CMTM6: variants seen among roughly 807,000 people sequenced by gnomAD.
CMTM6 encodes CKLF like MARVEL transmembrane domain containing 6, also known as CKLF-like MARVEL transmembrane domain-containing protein 6.
CMTM6 carries 5 observed loss-of-function variants against 13.6 expected under a neutral mutation model. The observed-to-expected ratio is 0.37, with a 90% CI of 0.19 to 0.77. The LOEUF (loss-of-function observed/expected upper bound fraction) is 0.77, where lower values mean the gene tolerates loss of function less well. Among genes scored for constraint, CMTM6 ranks in the 30% least tolerant of loss-of-function variants. CMTM6 has a pLI of 0.50. For missense variants in CMTM6, 196 were observed against 218.6 expected (o/e 0.90, Z 0.65); for synonymous variants, 99 against 84.5 (o/e 1.17, Z -0.94).
intron 1 of CMTM6, among the ~76,000 whole-genome samples, chr3:32,493,938 G>A (rs146483432): frequency 9.3e-4 from 142 of 152,252 alleles, no homozygotes; most frequent in Admixed American, 1.8e-3. Context: ...GTAAGGGGAG[G>A]GTAAGGCAGT....
intron 1 of CMTM6, among the ~76,000 whole-genome samples, chr3:32,501,188 C>CAAAA (rs545695553): frequency 1.7e-5 from 1 of 58,380 alleles, no homozygotes; most frequent in African/African-American, 6.4e-5. Flanking sequence ...GACTCGGTCT[C>CAAAA]AAAAAAAAAA....
At chr3:32,488,803 C>T (rs1697226679) in intron 2 of CMTM6, among the ~76,000 whole-genome samples, 1 of 152,088 alleles carries the variant, frequency 6.6e-6, no homozygotes, top group South Asian at 2.1e-4. Flanking sequence ...CATGGGTTTC[C>T]AAGTGCTCTC....
intron 1 of CMTM6, among the ~76,000 whole-genome samples, chr3:32,495,247 G>A (rs1697280935): frequency 6.6e-6 from 1 of 152,122 alleles, no homozygotes; most frequent in African/African-American, 2.4e-5. Context: ...AGTGAAGCAT[G>A]AAATAGCCCA....
chr3:32,490,170 C>A (rs553774215), intron 2 of CMTM6, among the ~76,000 whole-genome samples: 1 of 151,298 alleles, frequency 6.6e-6, no homozygotes, highest in Non-Finnish European at 1.5e-5. Flanking sequence ...CGTTTGAACC[C>A]GGGAGGTGGA....
rs1165443880 is a variant in CMTM6 at position 32,502,657 on chromosome 3, A to G, written c.89T>C (p.Phe30Ser). The change falls in exon 1 of 4, where the codon TTC (phenylalanine) becomes TCC (serine). Residue 30 changes from phenylalanine to serine, a missense_variant. Phe to Ser is a radical substitution (Grantham distance 155). Transcript: ENST00000205636. ...GPRSGLAAYF[F>S]MGRLPLLRRV... ...CCGGAGCAATGGGAGCCGGCCCATG[A>G]AAAAGTAGGCAGCGAGGCCGCTCCG... is the stretch of plus-strand genomic sequence containing the variant. The G allele has an allele frequency of 1.9e-6, 3 of 1,594,700 alleles. No homozygotes were observed. In the Middle Eastern group the frequency reaches 5.0e-4, roughly 266 times the overall value.
At chr3:32,502,265 A>C (rs897971880) in intron 1 of CMTM6, among the ~76,000 whole-genome samples, 1 of 152,246 alleles carries the variant, frequency 6.6e-6, no homozygotes, top group Admixed American at 6.5e-5. Context: ...GCGATAATGC[A>C]GGGTAGCAGC....
chr3:32,496,603 TAAC>T (rs1489519709), intron 1 of CMTM6, among the ~76,000 whole-genome samples: 1 of 152,116 alleles, frequency 6.6e-6, no homozygotes, highest in Non-Finnish European at 1.5e-5. Flanking sequence ...GAAACAATAA[TAAC>T]AATATATTTT....
Position 32,483,769 on chromosome 3 carries a change from ATTT to A in CMTM6, c.*188_*190del. 2.4e-6 allele frequency: 1 copy of A among 416,590 alleles called. No individual in the cohort carries two copies. 25.8% of individuals were successfully genotyped at this position (416,590 alleles called of 1,614,324 possible). ...AGTTTCAATTATTATTTAAAAAAAA[ATTT>A]TTTTTAACTTATCTGGCCTACTTTG... On this transcript the variant is annotated 3_prime_UTR_variant, in exon 4 of 4. Transcript: ENST00000205636.
intron 1 of CMTM6, among the ~76,000 whole-genome samples, chr3:32,497,780 C>T (rs547461875): frequency 6.6e-6 from 1 of 151,258 alleles, no homozygotes; most frequent in African/African-American, 2.4e-5. Flanking sequence ...ATTGCTTGAA[C>T]CTGGGAGGCA....
intron 2 of CMTM6, among the ~76,000 whole-genome samples, chr3:32,490,080 T>C (rs1008554963): frequency 6.6e-5 from 10 of 152,144 alleles, no homozygotes; most frequent in African/African-American, 2.2e-4. Context: ...ACCCCATCTC[T>C]ACTAAAAGTA....
At chr3:32,495,726 G>T (rs1697284372) in intron 1 of CMTM6, among the ~76,000 whole-genome samples, 1 of 152,172 alleles carries the variant, frequency 6.6e-6, no homozygotes, top group Non-Finnish European at 1.5e-5. Flanking sequence ...AGTAAAAAAA[G>T]ACAGGATCCA....
In CMTM6 at chr3:32,483,107, TCAGA is replaced by T; in HGVS notation, c.*849_*852del. On this transcript the variant is annotated 3_prime_UTR_variant, in exon 4 of 4. Coordinates refer to ENST00000205636, the MANE Select transcript of CMTM6 (RefSeq NM_017801.3). ...TAAATCATAGTATGAACTCATCTCT[TCAGA>T]TACTTGGTAAGTGGTCAAAGCTTGT... 6.5e-6 allele frequency: 1 copy of T among 152,798 alleles called. No individual in the cohort carries two copies. Among genetic ancestry groups the T allele is most frequent in the East Asian group, 1.9e-4 (1 of 5,194 alleles). 9.5% of individuals were successfully genotyped at this position (152,798 alleles called of 1,614,324 possible).
rs776326488 is a variant in CMTM6, at chr3:32,502,576, C to A, written c.138+32G>T. The A allele has an allele frequency of 3.8e-6, 6 of 1,573,740 alleles. No homozygotes were observed. In the Admixed American group the frequency reaches 9.1e-5, roughly 24 times the overall value. On this transcript the variant is annotated intron_variant, in intron 1 of 3. Coordinates refer to ENST00000205636, the MANE Select transcript of CMTM6 (RefSeq NM_017801.3). ...GCCCGGGCCAGACCCCGCTCCCCAG[C>A]CCGGGCTCGCCCTCCCTGACCGCGG...
Position 32,482,371 on chromosome 3 carries a change from A to G in CMTM6, c.*1589T>C, listed in dbSNP as rs888061660. ...CTAAGACACACAAATGGCAGATGAG[A>G]AAAAAAAAAAAGGATGAGGTCATTA... On this transcript the variant is annotated 3_prime_UTR_variant, in exon 4 of 4. Transcript: ENST00000205636. The G allele has an allele frequency of 8.4e-5, 12 of 142,756 alleles. No individual in the cohort carries two copies. The highest frequency in any genetic ancestry group is 4.2e-4 in the Admixed American group (6 of 14,428). The allele number at this position is 142,756 out of a possible 1,614,324, so 8.8% of individuals were successfully genotyped here. A position where few individuals can be genotyped will look rare whatever the true frequency, so the allele number is the denominator to read the frequency against.
intron 2 of CMTM6, among the ~76,000 whole-genome samples, chr3:32,489,310 A>G (rs1271903009): frequency 6.6e-6 from 1 of 151,410 alleles, no homozygotes; most frequent in Non-Finnish European, 1.5e-5. Context: ...TATTTAACAC[A>G]GAATTCCTAA....
chr3:32,486,300 T>A (rs116149730), intron 3 of CMTM6, among the ~76,000 whole-genome samples: 1 of 152,242 alleles, frequency 6.6e-6, no homozygotes, highest in Non-Finnish European at 1.5e-5. Context: ...TCCAAGGCCA[T>A]GATCCTTAAT....
chr3:32,502,524 A>C (rs1427268233), intron 1 of CMTM6, 84 bp downstream of exon 1: 1 of 1,509,098 alleles, frequency 6.6e-7, no homozygotes, highest in African/African-American at 1.4e-5. Flanking sequence ...AACCAAGCTG[A>C]AACGAAGGAG....
intron 3 of CMTM6, among the ~76,000 whole-genome samples, chr3:32,487,070 T>A (rs568722835): frequency 7.9e-5 from 12 of 152,296 alleles, no homozygotes; most frequent in Admixed American, 7.8e-4. Flanking sequence ...AAGAAGGAAC[T>A]AATCCAGCAA....
chr3:32,491,614 T>A, intron 2 of CMTM6, 96 bp downstream of exon 2: 1 of 1,093,822 alleles, frequency 9.1e-7, no homozygotes, highest in Non-Finnish European at 1.3e-6. Flanking sequence ...TCTTTTCATG[T>A]TGCTGAGTTT....
Sources: gnomAD v4.1 joint callset for allele counts (sites outside exome capture counted in the v4.1 genomes callset) on GRCh38, gnomAD v4.1.1 for gene constraint, MANE v1.5 for transcripts, NCBI Gene and HGNC (gene_info 2026-07-23, HGNC 2026-07-21) for gene names.